Variants in NECTIN1 observed in about 807,000 individuals in gnomAD.
NECTIN1 encodes nectin cell adhesion molecule 1, also known as nectin-1.
A neutral mutation model predicts 48.0 loss-of-function variants in NECTIN1; 23 were observed. The observed-to-expected ratio is 0.48, with a 90% confidence interval of 0.34 to 0.68. The LOEUF is 0.68. NECTIN1 is among the 30% of genes least tolerant of loss of function. NECTIN1 has a pLI of 0.01. For synonymous variants in NECTIN1, 270 were observed against 288.9 expected (o/e 0.93, Z 0.66); for missense variants, 591 against 709.9 (o/e 0.83, Z 1.90).
chr11:119,639,669 G>T (rs915565723), intron 6 of NECTIN1: 2 of 663,864 alleles, frequency 3.0e-6, no homozygotes, highest in Admixed American at 5.1e-5. Flanking sequence ...AACTGGGGCG[G>T]TGCCTGGCAC....
chr11:119,706,037 C>T (rs1240609862), intron 1 of NECTIN1, among the ~76,000 whole-genome samples: 1 of 152,210 alleles, frequency 6.6e-6, no homozygotes, highest in Non-Finnish European at 1.5e-5. Context: ...GATGCTTGTT[C>T]CCCTTTATTT....
intron 1 of NECTIN1, among the ~76,000 whole-genome samples, chr11:119,681,496 C>T (rs992348189): frequency 6.6e-6 from 1 of 152,146 alleles, no homozygotes; most frequent in African/African-American, 2.4e-5. Context: ...GTCCCTGGGG[C>T]ACAGGCTGAC....
chr11:119,651,481 G>A (rs1257698655), intron 5 of NECTIN1, among the ~76,000 whole-genome samples: 1 of 152,096 alleles, frequency 6.6e-6, no homozygotes, highest in Non-Finnish European at 1.5e-5. Flanking sequence ...GCTGTCGGAG[G>A]AGACATGGGG....
intron 1 of NECTIN1, among the ~76,000 whole-genome samples, chr11:119,690,603 C>G (rs1045253814): frequency 5.3e-5 from 8 of 152,220 alleles, no homozygotes; most frequent in African/African-American, 1.7e-4. Context: ...GCAGGTCCCC[C>G]AGGCACCAGC....
Position 119,672,501 on chromosome 11 carries a change from C to T in NECTIN1, c.1003+2658G>A, listed in dbSNP as rs149926951. On this transcript the variant is annotated intron_variant, in intron 5 of 5. Transcript: ENST00000264025. This position sits in a 1 kb window ranked among gnomAD's most constrained non-coding sequence, Gnocchi z 4.3. ...GAAGCACACACAGATTCTGTCCGGT[C>T]CATCTCCTCGGTGCCCCCATCGCCA... 4.6e-5 allele frequency among the ~76,000 whole-genome samples: 7 copies of T among 152,284 alleles called. No individual in the cohort carries two copies. The highest frequency in any genetic ancestry group is 1.4e-4 in the African/African-American group (6 of 41,552).
At chr11:119,680,482 C>A (rs1373524553) in intron 1 of NECTIN1, among the ~76,000 whole-genome samples, 1 of 152,206 alleles carries the variant, frequency 6.6e-6, no homozygotes, top group East Asian at 1.9e-4. Flanking sequence ...TGCTCACTCA[C>A]CTCCTCAGCG....
At position 119,666,233 on chromosome 11, in the gene NECTIN1, C is replaced by T. The variant is rs575577894; in HGVS notation, c.1004-936G>A. On this transcript the variant is annotated intron_variant, in intron 5 of 5. Transcript: ENST00000264025. ...CATACACGCTTGCCGTCATAGCAAG[C>T]CTGCCACCCAGAGAGCACATGCTGG... 2.0e-5 allele frequency among the ~76,000 whole-genome samples: 3 copies of T among 152,336 alleles called. No individual in the cohort carries two copies. In the East Asian group the frequency reaches 5.8e-4, roughly 29 times the overall value.
At chr11:119,696,427 C>CT (rs139390166) in intron 1 of NECTIN1, among the ~76,000 whole-genome samples, 55,358 of 89,694 alleles carry the variant, frequency 0.62, 10,606 homozygotes, top group Admixed American at 0.65. Flanking sequence ...CAACCCCGCC[C>CT]GCCCCCTGGG....
chr11:119,652,675 G>A (rs549680787), intron 5 of NECTIN1, among the ~76,000 whole-genome samples: 3 of 152,252 alleles, frequency 2.0e-5, no homozygotes, highest in South Asian at 2.1e-4. Flanking sequence ...ATAAAAGGAC[G>A]GATGGCACCA....
intron 1 of NECTIN1, among the ~76,000 whole-genome samples, chr11:119,719,978 T>C (rs147448167): frequency 1.0e-3 from 156 of 151,974 alleles, no homozygotes; most frequent in African/African-American, 3.6e-3. Context: ...GGGAACAGCA[T>C]GTGCAAAGGC....
At chr11:119,686,165 G>C (rs998790951) in intron 1 of NECTIN1, among the ~76,000 whole-genome samples, 4 of 152,156 alleles carry the variant, frequency 2.6e-5, no homozygotes, top group Non-Finnish European at 5.9e-5. Context: ...CTCCTAAACA[G>C]CTTTTGAATT....
Position 119,716,858 on chromosome 11 carries a change from G to A in NECTIN1, c.79+11617C>T, listed in dbSNP as rs535857463. Reference sequence around the variant, plus strand: ...GAAGCAGGCGCGTGCACACGCGCGCGCACGCACGCACGCACACACACACAG... The same window carrying A: ...GAAGCAGGCGCGTGCACACGCGCGCACACGCACGCACGCACACACACACAG... On this transcript the variant is annotated intron_variant, in intron 1 of 5. Transcript: ENST00000264025. Among the ~76,000 whole-genome samples the A allele has an allele frequency of 3.9e-5, 6 of 152,262 alleles. No individual in the cohort carries two copies. In the South Asian group the frequency reaches 1.0e-3, roughly 26 times the overall value.
intron 1 of NECTIN1, among the ~76,000 whole-genome samples, chr11:119,705,770 C>A (rs527483175): frequency 4.9e-4 from 75 of 152,322 alleles, no homozygotes; most frequent in African/African-American, 1.8e-3. Context: ...GAGGCGACTG[C>A]AATCATCTGG....
At chr11:119,711,654 G>A (rs1865648941) in intron 1 of NECTIN1, among the ~76,000 whole-genome samples, 1 of 152,196 alleles carries the variant, frequency 6.6e-6, no homozygotes, top group African/African-American at 2.4e-5. Context: ...ACAGGTGGGT[G>A]TGTTGGGGCT....
intron 1 of NECTIN1, among the ~76,000 whole-genome samples, chr11:119,689,496 G>A (rs1486329827): frequency 6.6e-6 from 1 of 152,206 alleles, no homozygotes; most frequent in East Asian, 1.9e-4. Flanking sequence ...CTGCCCAGAG[G>A]CACTCTGCTG....
intron 1 of NECTIN1, among the ~76,000 whole-genome samples, chr11:119,706,409 C>T (rs1221362626): frequency 1.3e-5 from 2 of 152,268 alleles, no homozygotes; most frequent in South Asian, 4.2e-4. Context: ...CCCACCCCAA[C>T]TCACCCCCCA....
chr11:119,645,306 A>AG (rs1864382248), intron 5 of NECTIN1, among the ~76,000 whole-genome samples: 1 of 152,142 alleles, frequency 6.6e-6, no homozygotes. Context: ...GCTGGAGGCA[A>AG]GTCTTCCTGG....
Position 119,677,973 on chromosome 11 carries a change from G to A in NECTIN1, c.431-116C>T. On this transcript the variant is annotated intron_variant, in intron 2 of 5. Coordinates refer to ENST00000264025, the MANE Select transcript of NECTIN1 (RefSeq NM_002855.5). This position sits in a 1 kb window ranked among gnomAD's most constrained non-coding sequence, Gnocchi z 5.4. Reference sequence around the variant, plus strand: ...TCTTCAGGTCCCCTTGGCCATCCCTGCCTCTCAGCTGTGCTGCACCAAAGA... The same window carrying A: ...TCTTCAGGTCCCCTTGGCCATCCCTACCTCTCAGCTGTGCTGCACCAAAGA... The A allele has an allele frequency of 9.7e-7, 1 of 1,034,046 alleles. No individual in the cohort carries two copies. Among genetic ancestry groups the A allele is most frequent in the East Asian group, 2.5e-5 (1 of 39,308 alleles). 64.1% of individuals were successfully genotyped at this position (1,034,046 alleles called of 1,614,324 possible). A position where few individuals can be genotyped will look rare whatever the true frequency, so the allele number is the denominator to read the frequency against.
chr11:119,650,471 G>A (rs1337605143), intron 5 of NECTIN1, among the ~76,000 whole-genome samples: 4 of 152,318 alleles, frequency 2.6e-5, no homozygotes, highest in Admixed American at 6.5e-5. Context: ...ACGAGCTCAG[G>A]TTTCACCCTA....
Sources: gnomAD v4.1 joint callset for allele counts (sites outside exome capture counted in the v4.1 genomes callset) on GRCh38, gnomAD v4.1.1 for gene constraint, Gnocchi (gnomAD v3.1) non-coding constraint, MANE v1.5 for transcripts, NCBI Gene and HGNC (gene_info 2026-07-23, HGNC 2026-07-21) for gene names.